The following HSDL2 variants were observed in gnomAD, a reference collection of about 807,000 sequenced individuals.
HSDL2 encodes hydroxysteroid dehydrogenase like 2, also known as hydroxysteroid dehydrogenase-like protein 2.
A neutral mutation model predicts 46.3 loss-of-function variants in HSDL2; 27 were observed. That is an observed-to-expected ratio of 0.58 (90% CI 0.43 to 0.80). HSDL2 has a LOEUF of 0.80. Among genes scored for constraint, HSDL2 ranks in the 30% least tolerant of loss-of-function variants. HSDL2 has a pLI of 0.00. For synonymous variants in HSDL2, 153 were observed against 163.6 expected (o/e 0.94, Z 0.50); for missense variants, 451 against 502.7 (o/e 0.90, Z 0.98).
chr9:112,434,719 C>T (rs773806565), intron 6 of HSDL2, among the ~76,000 whole-genome samples: 20 of 152,294 alleles, frequency 1.3e-4, no homozygotes, highest in Non-Finnish European at 2.9e-4. Flanking sequence ...AAGCTCTCTT[C>T]CCAGAGAAGG....
rs555324398 is a variant in HSDL2, at chr9:112,389,415, G to A, written c.17+9235G>A. Among the ~76,000 whole-genome samples the A allele has an allele frequency of 2.6e-5, 4 of 152,254 alleles. No individual in the cohort carries two copies. The South Asian group carries it at 8.3e-4, about 32-fold the overall frequency. Reference sequence around the variant, plus strand: ...TGAGCACAAATGCTAAATCATTGGGGTAAAATATTAACAATACATGAATCT... The same window carrying A: ...TGAGCACAAATGCTAAATCATTGGGATAAAATATTAACAATACATGAATCT... On this transcript the variant is annotated intron_variant, in intron 1 of 10. Coordinates refer to ENST00000398805, the MANE Select transcript of HSDL2 (RefSeq NM_032303.5).
At chr9:112,387,686 G>T (rs1176260086) in intron 1 of HSDL2, among the ~76,000 whole-genome samples, 3 of 152,188 alleles carry the variant, frequency 2.0e-5, no homozygotes, top group Non-Finnish European at 4.4e-5. Flanking sequence ...AATAGTAACT[G>T]TGCAGTGGAG....
intron 10 of HSDL2, among the ~76,000 whole-genome samples, chr9:112,462,600 A>ATGTGTGTGTG (rs3032131): frequency 3.4e-5 from 5 of 146,630 alleles, no homozygotes; most frequent in Non-Finnish European, 7.5e-5. Flanking sequence ...GAGGAGGGGG[A>ATGTGTGTGTG]TGTGTGTGTG....
At chr9:112,394,439 G>A (rs138428198) in intron 1 of HSDL2, among the ~76,000 whole-genome samples, 4 of 152,084 alleles carry the variant, frequency 2.6e-5, no homozygotes, top group African/African-American at 4.8e-5. Flanking sequence ...ATCCTCTTCC[G>A]CCAGAGGAGC....
intron 1 of HSDL2, among the ~76,000 whole-genome samples, chr9:112,389,334 T>A (rs987718037): frequency 6.6e-6 from 1 of 152,156 alleles, no homozygotes; most frequent in Non-Finnish European, 1.5e-5. Context: ...AAATCACTCT[T>A]AAGTGGTTTG....
intron 1 of HSDL2, among the ~76,000 whole-genome samples, chr9:112,387,183 A>G (rs1015226967): frequency 1.3e-5 from 2 of 151,976 alleles, no homozygotes; most frequent in Non-Finnish European, 2.9e-5. Context: ...TGAAGTATTC[A>G]TAGGTGAAAG....
chr9:112,391,302 C>A (rs187720369), intron 1 of HSDL2, among the ~76,000 whole-genome samples: 133 of 151,204 alleles, frequency 8.8e-4, no homozygotes, highest in African/African-American at 3.0e-3. Flanking sequence ...CCTGTCCCCC[C>A]CCAAAAAATA....
At chr9:112,395,813 A>G (rs796565833) in intron 1 of HSDL2, among the ~76,000 whole-genome samples, 1 of 152,138 alleles carries the variant, frequency 6.6e-6, no homozygotes, top group South Asian at 2.1e-4. Context: ...TTCCAGGGGG[A>G]AAGAGGAGGT....
intron 9 of HSDL2, among the ~76,000 whole-genome samples, chr9:112,458,046 T>G (rs1027339225): frequency 3.9e-5 from 6 of 152,170 alleles, no homozygotes; most frequent in Non-Finnish European, 8.8e-5. Context: ...CTGGCTGTGC[T>G]CAGACCTAGA....
At chr9:112,393,451 G>A (rs151115999) in intron 1 of HSDL2, among the ~76,000 whole-genome samples, 2 of 152,192 alleles carry the variant, frequency 1.3e-5, no homozygotes, top group Non-Finnish European at 2.9e-5. Context: ...ATAACAGACT[G>A]TCTTAAATCG....
chr9:112,468,989 G>A (rs1163308107), intron 10 of HSDL2, among the ~76,000 whole-genome samples: 1 of 152,100 alleles, frequency 6.6e-6, no homozygotes, highest in Non-Finnish European at 1.5e-5. Context: ...TGTGTTTTTG[G>A]ACGGGCTGTT....
intron 1 of HSDL2, among the ~76,000 whole-genome samples, chr9:112,386,760 G>T (rs1831226801): frequency 2.0e-5 from 3 of 152,208 alleles, no homozygotes; most frequent in Admixed American, 2.0e-4. Context: ...ACCAGCCTGG[G>T]CGACAAAGGG....
At chr9:112,397,483 G>A (rs1193507432) in intron 1 of HSDL2, among the ~76,000 whole-genome samples, 2 of 152,234 alleles carry the variant, frequency 1.3e-5, no homozygotes, top group East Asian at 1.9e-4. Context: ...AATTCATTGC[G>A]ACCCTGTTTA....
intron 6 of HSDL2, among the ~76,000 whole-genome samples, chr9:112,432,660 C>T (rs922883458): frequency 1.1e-4 from 17 of 152,190 alleles, no homozygotes; most frequent in African/African-American, 4.1e-4. Flanking sequence ...GTTTACTAGA[C>T]ATCTTGGAGC....
chr9:112,398,139 G>C (rs1376817688), intron 1 of HSDL2, among the ~76,000 whole-genome samples: 1 of 152,068 alleles, frequency 6.6e-6, no homozygotes, highest in Non-Finnish European at 1.5e-5. Flanking sequence ...AGCAGAAAAG[G>C]CATAAGCATA....
intron 6 of HSDL2, among the ~76,000 whole-genome samples, chr9:112,426,138 C>G (rs1421706922): frequency 6.6e-6 from 1 of 152,064 alleles, no homozygotes; most frequent in Non-Finnish European, 1.5e-5. Context: ...TGGTCACCCC[C>G]ATCTGGCTGT....
At position 112,395,391 on chromosome 9, in the gene HSDL2, G is replaced by A. The variant is rs189405083; in HGVS notation, c.18-8604G>A. ...GGGATTGATGATCTCCTGGTGAAAC[G>A]CAAGCATACCCTCTTCCCCACGTTA... is the stretch of plus-strand genomic sequence containing the variant. On this transcript the variant is annotated intron_variant, in intron 1 of 10. Transcript: ENST00000398805. Among the ~76,000 whole-genome samples the A allele has an allele frequency of 2.3e-4, 35 of 152,308 alleles. No individual in the cohort carries two copies. In the East Asian group the frequency reaches 6.4e-3, roughly 28 times the overall value.
chr9:112,424,868 T>C (rs982079238), intron 6 of HSDL2, among the ~76,000 whole-genome samples: 3 of 151,762 alleles, frequency 2.0e-5, no homozygotes, highest in African/African-American at 7.2e-5. Context: ...AAAAACTATA[T>C]ACCTTTATTA....
At chr9:112,416,780 A>G in intron 4 of HSDL2, 61 bp from the exon 5 acceptor site, 1 of 840,548 alleles carries the variant, frequency 1.2e-6, no homozygotes. Flanking sequence ...CTCTTAAAAA[A>G]AAAAGTGGAG....
Sources: allele counts gnomAD v4.1 joint callset (sites outside exome capture counted in the v4.1 genomes callset), GRCh38; gene constraint gnomAD v4.1.1; transcripts MANE v1.5; gene names NCBI Gene and HGNC (gene_info 2026-07-23, HGNC 2026-07-21).